The following PTPRM variants were observed in gnomAD, a reference collection of about 807,000 sequenced individuals.
PTPRM encodes protein tyrosine phosphatase receptor type M, also known as receptor-type tyrosine-protein phosphatase mu.
In PTPRM, 47 loss-of-function variants were observed where a neutral mutation model predicts 186.7. The ratio of observed to expected loss-of-function variants is 0.25; its 90% CI spans 0.20 to 0.32. PTPRM has a LOEUF of 0.32. Ranked by LOEUF, PTPRM falls within the 10% of genes least tolerant of loss-of-function variation. The pLI is 1.00. For missense variants in PTPRM, 1,494 were observed against 1,865.0 expected (o/e 0.80, Z 3.66); for synonymous variants, 668 against 674.9 (o/e 0.99, Z 0.16).
At chr18:7,946,538 T>C (rs2052536424) in intron 5 of PTPRM, among the ~76,000 whole-genome samples, 2 of 152,162 alleles carry the variant, frequency 1.3e-5, no homozygotes, top group African/African-American at 4.8e-5. Context: ...TAGAATTTGC[T>C]TATTTCCTGG....
intron 4 of PTPRM, among the ~76,000 whole-genome samples, chr18:7,913,855 A>G (rs2050409020): frequency 1.3e-5 from 2 of 152,144 alleles, no homozygotes; most frequent in Admixed American, 1.3e-4. Flanking sequence ...TTCTAAACCC[A>G]TGTGCTGTAT....
At chr18:8,256,187 G>T (rs2147432204) in intron 19 of PTPRM, among the ~76,000 whole-genome samples, 1 of 152,218 alleles carries the variant, frequency 6.6e-6, no homozygotes, top group Middle Eastern at 3.4e-3. Flanking sequence ...AGTGCTAACT[G>T]GTGTAGTGGG....
intron 22 of PTPRM, among the ~76,000 whole-genome samples, chr18:8,324,045 T>A (rs2095361426): frequency 6.6e-6 from 1 of 152,180 alleles, no homozygotes; most frequent in Admixed American, 6.5e-5. Context: ...ACAGAAACCA[T>A]AGACTTAATT....
chr18:7,947,124 A>G, intron 5 of PTPRM: 1 of 406,336 alleles, frequency 2.5e-6, no homozygotes, highest in Non-Finnish European at 4.9e-6. Context: ...CCTCAGTCTC[A>G]GGTTTATCAG....
intron 21 of PTPRM, among the ~76,000 whole-genome samples, chr18:8,317,224 C>T (rs775417530): frequency 6.6e-5 from 10 of 151,902 alleles, no homozygotes; most frequent in East Asian, 1.9e-4. Flanking sequence ...TGAGAAATGG[C>T]GAGACCCTTG....
chr18:7,696,384 A>G (rs1333952019), intron 1 of PTPRM, among the ~76,000 whole-genome samples: 1 of 152,204 alleles, frequency 6.6e-6, no homozygotes, highest in African/African-American at 2.4e-5. Context: ...ACAGGTTTCC[A>G]GAGTGTATTT....
chr18:7,939,936 A>G (rs1417672028), intron 5 of PTPRM, among the ~76,000 whole-genome samples: 1 of 151,940 alleles, frequency 6.6e-6, no homozygotes, highest in Non-Finnish European at 1.5e-5. Flanking sequence ...CCTGATGTAT[A>G]TTTTCACAAT....
At chr18:7,948,214 C>T (rs1412280896) in intron 5 of PTPRM, among the ~76,000 whole-genome samples, 2 of 148,070 alleles carry the variant, frequency 1.4e-5, no homozygotes, top group East Asian at 2.0e-4. Flanking sequence ...TGTCCATATT[C>T]GTATTTGTCT....
At chr18:8,306,224 T>C (rs2095220461) in intron 20 of PTPRM, among the ~76,000 whole-genome samples, 1 of 152,160 alleles carries the variant, frequency 6.6e-6, no homozygotes, top group African/African-American at 2.4e-5. Context: ...GGGAACTAAC[T>C]GTACTGTGTT....
At chr18:8,130,514 A>C (rs1295919597) in intron 13 of PTPRM, among the ~76,000 whole-genome samples, 1 of 152,228 alleles carries the variant, frequency 6.6e-6, no homozygotes, top group Non-Finnish European at 1.5e-5. Flanking sequence ...AAAGTCTTAA[A>C]AGAAAGATCG....
intron 7 of PTPRM, among the ~76,000 whole-genome samples, chr18:7,960,478 T>TACACAC (rs1254346037): frequency 1.1e-5 from 1 of 93,884 alleles, no homozygotes; most frequent in African/African-American, 4.0e-5. Flanking sequence ...TATATATATA[T>TACACAC]ATACACACAC....
intron 14 of PTPRM, among the ~76,000 whole-genome samples, chr18:8,201,638 G>T (rs1215017452): frequency 6.6e-6 from 1 of 152,144 alleles, no homozygotes; most frequent in Non-Finnish European, 1.5e-5. Context: ...CCTGCTGAGG[G>T]CTCTCTCCCT....
chr18:7,735,585 A>T (rs916237611), intron 1 of PTPRM, among the ~76,000 whole-genome samples: 2 of 138,168 alleles, frequency 1.4e-5, no homozygotes, highest in African/African-American at 6.4e-5. Context: ...AAATATACCT[A>T]AAAAATATAC....
At chr18:8,108,847 A>T (rs907351659) in intron 11 of PTPRM, among the ~76,000 whole-genome samples, 1 of 152,224 alleles carries the variant, frequency 6.6e-6, no homozygotes, top group Non-Finnish European at 1.5e-5. Flanking sequence ...CACATGCAGT[A>T]GGAAGATTTG....
At chr18:8,144,793 A>T (rs1165048176) in intron 14 of PTPRM, among the ~76,000 whole-genome samples, 1 of 152,252 alleles carries the variant, frequency 6.6e-6, no homozygotes, top group Admixed American at 6.5e-5. Context: ...CAATACAAAA[A>T]TATAGATACT....
Position 8,376,606 on chromosome 18 carries a change from G to C in PTPRM, c.3462+9G>C. 6.2e-7 allele frequency: 1 copy of C among 1,608,428 alleles called. No individual in the cohort carries two copies. Among genetic ancestry groups the C allele is most frequent in the Admixed American group, 1.7e-5 (1 of 59,930 alleles). On this transcript the variant is annotated intron_variant, in intron 26 of 32. Coordinates refer to ENST00000580170, the MANE Select transcript of PTPRM (RefSeq NM_001105244.2). ...ACATGGTGCAAACAGAGGTACTCCC[G>C]CTCATCACCTAGCCTGGGGCCTTGG...
chr18:7,678,109 G>A (rs2039390401), intron 1 of PTPRM, among the ~76,000 whole-genome samples: 1 of 152,080 alleles, frequency 6.6e-6, no homozygotes, highest in South Asian at 2.1e-4. Context: ...GACACTTAGA[G>A]CACCTAAGTA....
At chr18:8,198,782 C>T (rs930118142) in intron 14 of PTPRM, among the ~76,000 whole-genome samples, 4 of 152,102 alleles carry the variant, frequency 2.6e-5, no homozygotes, top group African/African-American at 9.7e-5. Context: ...ACATATTGCC[C>T]AGTTAGATGG....
rs1599906185 is a variant in PTPRM at position 7,990,904 on chromosome 18, G to A, written c.1132+35490G>A. ...CAGGTTTTGTAGGTGACAGGGTGTA[G>A]TAATGGTTTCTTACATGAATGATTG... On this transcript the variant is annotated intron_variant, in intron 7 of 32. Coordinates refer to ENST00000580170, the MANE Select transcript of PTPRM (RefSeq NM_001105244.2). 2.0e-5 allele frequency among the ~76,000 whole-genome samples: 3 copies of A among 152,158 alleles called. No individual in the cohort carries two copies. The South Asian group carries it at 6.2e-4, about 32-fold the overall frequency.
Sources: allele counts gnomAD v4.1 joint callset (sites outside exome capture counted in the v4.1 genomes callset), GRCh38; gene constraint gnomAD v4.1.1; transcripts MANE v1.5; gene names NCBI Gene and HGNC (gene_info 2026-07-23, HGNC 2026-07-21).